Variants in WDR11 observed in about 807,000 individuals in gnomAD.
WDR11 encodes the protein WD repeat-containing protein 11.
A neutral mutation model predicts 151.2 loss-of-function variants in WDR11; 83 were observed. The observed-to-expected ratio is 0.55, with a 90% CI of 0.46 to 0.66. WDR11 has a LOEUF of 0.66. WDR11 is among the 30% of genes least tolerant of loss of function. The probability of loss-of-function intolerance (pLI) is 0.00; values close to 1 mark genes in which losing one functional copy is unlikely to be tolerated. For synonymous variants in WDR11, 484 were observed against 533.1 expected, an observed-to-expected ratio of 0.91 and a Z score of 1.27; for missense variants, 1,301 against 1,480.9, an observed-to-expected ratio of 0.88 and a Z score of 1.99.
chr10:120,858,759 TCA>T lies in WDR11; in HGVS notation c.316_317del (p.Gln106ValfsTer2). On this transcript the variant is annotated frameshift_variant, in exon 3 of 29. Transcript: ENST00000263461. LOFTEE classifies it high-confidence loss of function. The part of the protein sequence containing the change: ...IVWDVAAGVA[Q>X]CEIQEHAKPI... ...TCTGGGATGTAGCAGCAGGAGTAGC[TCA>T]GTGTGAGATCCAAGAGCATGCCAAG... 1.9e-6 allele frequency: 3 copies of T among 1,614,174 alleles called. No individual in the cohort carries two copies. The highest frequency in any genetic ancestry group is 2.5e-6 in the Non-Finnish European group (3 of 1,180,030).
chr10:120,896,529 A>C (rs1465703964), intron 19 of WDR11, among the ~76,000 whole-genome samples: 1 of 152,002 alleles, frequency 6.6e-6, no homozygotes, highest in Non-Finnish European at 1.5e-5. Flanking sequence ...TAACATAACC[A>C]CACACACACA....
chr10:120,866,234 T>G (rs1846306855), intron 7 of WDR11, among the ~76,000 whole-genome samples: 1 of 152,210 alleles, frequency 6.6e-6, no homozygotes, highest in Non-Finnish European at 1.5e-5. Context: ...TACAGTTATT[T>G]TCAGGCTTAT....
chr10:120,874,985 GC>G (rs1330731820), intron 11 of WDR11, among the ~76,000 whole-genome samples: 1 of 151,550 alleles, frequency 6.6e-6, no homozygotes, highest in Non-Finnish European at 1.5e-5. Context: ...TCCCCGATAG[GC>G]CCCAGTGTGT....
intron 3 of WDR11, 90 bp downstream of exon 3, chr10:120,858,886 T>A: frequency 1.3e-6 from 2 of 1,501,918 alleles, no homozygotes; most frequent in Non-Finnish European, 9.2e-7. Context: ...CCCATTCATT[T>A]AATTTTATCA....
Position 120,866,646 on chromosome 10 carries a change from C to G in WDR11, c.1072C>G (p.Pro358Ala), listed in dbSNP as rs753177102. Residue 358 changes from proline (P) to alanine (A), a missense_variant, in exon 8 of 29, where the codon CCC becomes GCC. Pro to Ala is a conservative substitution (Grantham distance 27). Transcript: ENST00000263461. ...AATCAGGGTGACAAAAACCGTCCGT[C>G]CCTTCAGTATGGTGTGCTGTCCTGT... ...DAIRVTKTVR[P>A]FSMVCCPVNE... 2.5e-6 allele frequency: 4 copies of G among 1,614,076 alleles called. No individual in the cohort carries two copies. Among genetic ancestry groups the G allele is most frequent in the Non-Finnish European group, 3.4e-6 (4 of 1,180,054 alleles).
In WDR11 at chr10:120,904,034, T is replaced by C; in HGVS notation, c.2932-13T>C. On this transcript the variant is annotated splice_polypyrimidine_tract_variant and intron_variant, in intron 23 of 28. Transcript: ENST00000263461. Reference sequence around the variant, plus strand: ...TAATCCAGGCTTAATTTTTCTTTTTTTTCCAATTCTAGAAATTTCAGCTAG... The same window carrying C: ...TAATCCAGGCTTAATTTTTCTTTTTCTTCCAATTCTAGAAATTTCAGCTAG... The C allele has an allele frequency of 6.3e-7, 1 of 1,581,058 alleles. No individual in the cohort carries two copies. Among genetic ancestry groups the C allele is most frequent in the Non-Finnish European group, 8.7e-7 (1 of 1,151,222 alleles).
chr10:120,909,418 CTCTGT>C lies in WDR11; in HGVS notation c.*709_*713del, dbSNP rs1421834096. On this transcript the variant is annotated 3_prime_UTR_variant, in exon 29 of 29. Transcript: ENST00000263461. ...GTCTTTCTTTGTACTTTAATGTTCT[CTCTGT>C]TCTAATAGTTGAAGTATGAGATGTA... 1 of 152,838 alleles carries C rather than the reference CTCTGT, an allele frequency of 6.5e-6. No homozygotes were observed. Among genetic ancestry groups the C allele is most frequent in the Non-Finnish European group, 1.5e-5 (1 of 68,206 alleles). 9.5% of individuals were successfully genotyped at this position (152,838 alleles called of 1,614,324 possible).
intron 19 of WDR11, among the ~76,000 whole-genome samples, chr10:120,891,300 G>C (rs1330335687): frequency 6.6e-6 from 1 of 152,190 alleles, no homozygotes; most frequent in Non-Finnish European, 1.5e-5. Flanking sequence ...TTTAGAAAGT[G>C]TTCTGAGTAT....
intron 14 of WDR11, among the ~76,000 whole-genome samples, chr10:120,884,673 A>G (rs959879952): frequency 6.6e-6 from 1 of 152,164 alleles, no homozygotes; most frequent in Non-Finnish European, 1.5e-5. Context: ...TGAAGATGTC[A>G]AAGTTAAATA....
chr10:120,868,106 A>G (rs942163016), intron 9 of WDR11, among the ~76,000 whole-genome samples: 1 of 152,186 alleles, frequency 6.6e-6, no homozygotes, highest in African/African-American at 2.4e-5. Flanking sequence ...TGAAAACGAT[A>G]TTATTTAGGA....
chr10:120,853,060 G>GGC (rs1414652316), intron 2 of WDR11, among the ~76,000 whole-genome samples: 2 of 127,306 alleles, frequency 1.6e-5, no homozygotes, highest in African/African-American at 6.0e-5. Context: ...AGTCACAGAA[G>GGC]TCTACAGTTT....
chr10:120,903,965 G>A, intron 23 of WDR11, 82 bp from the exon 24 acceptor site: 1 of 912,366 alleles, frequency 1.1e-6, no homozygotes, highest in Non-Finnish European at 1.7e-6. Context: ...TTATTAAAAT[G>A]ATCTTATTAA....
At chr10:120,895,090 G>T (rs1847562962) in intron 19 of WDR11, among the ~76,000 whole-genome samples, 1 of 152,144 alleles carries the variant, frequency 6.6e-6, no homozygotes, top group Admixed American at 6.5e-5. Flanking sequence ...GTAAACACTC[G>T]ATGCTGCCTT....
rs1222533903 is a variant in WDR11 at position 120,866,922 on chromosome 10, C to T, written c.1191-144C>T. On this transcript the variant is annotated intron_variant, in intron 8 of 28. Coordinates refer to ENST00000263461, the MANE Select transcript of WDR11 (RefSeq NM_018117.12). Reference sequence around the variant, plus strand: ...ATTATTAGGGAATTATGTAAATCTGCTAGAGCTATTTCACCTATGGGTAAG... The same window carrying T: ...ATTATTAGGGAATTATGTAAATCTGTTAGAGCTATTTCACCTATGGGTAAG... 3 of 1,058,704 alleles carry T rather than the reference C, an allele frequency of 2.8e-6. No individual in the cohort carries two copies. The Admixed American group carries it at 6.6e-5, about 23-fold the overall frequency. 65.6% of individuals were successfully genotyped at this position (1,058,704 alleles called of 1,614,324 possible). A position where few individuals can be genotyped will look rare whatever the true frequency, so the allele number is the denominator to read the frequency against.
chr10:120,856,575 C>CACAAA (rs1845954628), intron 2 of WDR11, among the ~76,000 whole-genome samples: 1 of 101,926 alleles, frequency 9.8e-6, no homozygotes, highest in Non-Finnish European at 1.9e-5. Flanking sequence ...ACTCTGTCTC[C>CACAAA]AAAAAAAAAA....
At chr10:120,899,463 T>C (rs1847733931) in intron 19 of WDR11, among the ~76,000 whole-genome samples, 1 of 152,184 alleles carries the variant, frequency 6.6e-6, no homozygotes, top group Non-Finnish European at 1.5e-5. Flanking sequence ...CAGAGTTGTA[T>C]ACCACACAGG....
intron 2 of WDR11, among the ~76,000 whole-genome samples, chr10:120,855,746 C>T (rs7075047): frequency 0.3 from 46,118 of 151,980 alleles, 7,395 homozygotes; most frequent in East Asian, 0.42. Context: ...CTTAGTAGAT[C>T]TATTTAATAG....
rs748854920 is a variant in WDR11, at chr10:120,901,097, A to G, written c.2686A>G (p.Asn896Asp). The G allele has an allele frequency of 1.2e-6, 2 of 1,606,648 alleles. No individual in the cohort carries two copies. The highest frequency in any genetic ancestry group is 2.7e-5 in the African/African-American group (2 of 74,788). The change falls in exon 21 of 29, where the codon AAT becomes GAT. Residue 896 changes from asparagine (N) to aspartate (D), a missense_variant and splice_region_variant. Transcript: ENST00000263461. Reference protein sequence around the residue: ...LLQEQLNSLSNDIKKLLLDPE... With the variant: ...LLQEQLNSLSDDIKKLLLDPE... ...CCAAGAACAGTTGAATTCATTGTCT[A>G]AGTAAGCACTCCATGTTTCATTAGA...
chr10:120,875,556 G>A (rs551024632), intron 11 of WDR11, among the ~76,000 whole-genome samples: 2 of 152,312 alleles, frequency 1.3e-5, no homozygotes, highest in South Asian at 4.1e-4. Context: ...CCAGGCTAGA[G>A]TGCAATGGCG....
Sources: allele counts gnomAD v4.1 joint callset (sites outside exome capture counted in the v4.1 genomes callset), GRCh38; gene constraint gnomAD v4.1.1; transcripts MANE v1.5; gene names NCBI Gene and HGNC (gene_info 2026-07-23, HGNC 2026-07-21).